The following GRIK4 variants were observed in gnomAD, a reference collection of about 807,000 sequenced individuals.
GRIK4 encodes glutamate ionotropic receptor kainate type subunit 4, also known as glutamate receptor ionotropic, kainate 4.
In GRIK4, 40 loss-of-function variants were observed where a neutral mutation model predicts 104.9. That is an observed-to-expected ratio of 0.38 (90% CI 0.30 to 0.50). The LOEUF is 0.50. Ranked by LOEUF, GRIK4 falls within the 20% of genes least tolerant of loss-of-function variation. The pLI is 0.93. For missense variants in GRIK4, 1,047 were observed against 1,308.1 expected (o/e 0.80, Z 3.08); for synonymous variants, 485 against 524.9 (o/e 0.92, Z 1.04).
At chr11:120,709,343 G>T (rs1342455915) in intron 3 of GRIK4, among the ~76,000 whole-genome samples, 2 of 151,980 alleles carry the variant, frequency 1.3e-5, no homozygotes, top group Non-Finnish European at 2.9e-5. Flanking sequence ...GCCGTGTGTT[G>T]TGTTACATGT....
intron 2 of GRIK4, among the ~76,000 whole-genome samples, chr11:120,656,578 C>T (rs748167602): frequency 1.5e-4 from 23 of 152,224 alleles, no homozygotes; most frequent in South Asian, 6.2e-4. Flanking sequence ...AATGTAGTCT[C>T]GGCTGGGTGC....
At chr11:120,762,997 T>C (rs1425229114) in intron 3 of GRIK4, among the ~76,000 whole-genome samples, 3 of 152,224 alleles carry the variant, frequency 2.0e-5, no homozygotes, top group East Asian at 1.9e-4. Context: ...TTCTATTGTT[T>C]GGAATAATTT....
At chr11:120,546,762 C>T (rs992899761) in intron 1 of GRIK4, among the ~76,000 whole-genome samples, 1 of 152,182 alleles carries the variant, frequency 6.6e-6, no homozygotes, top group African/African-American at 2.4e-5. Context: ...ATGCTCCGCC[C>T]ACCTCCTGAA....
intron 6 of GRIK4, among the ~76,000 whole-genome samples, chr11:120,824,892 C>T (rs971746196): frequency 6.6e-6 from 1 of 151,334 alleles, no homozygotes; most frequent in African/African-American, 2.4e-5. Context: ...TTTTATATTT[C>T]TTTCTGAGTT....
chr11:120,911,619 A>T (rs1479889967), intron 13 of GRIK4, among the ~76,000 whole-genome samples: 22 of 148,770 alleles, frequency 1.5e-4, no homozygotes, highest in African/African-American at 5.1e-4. Flanking sequence ...AGGCGGGTGG[A>T]TCACCTGAGG....
chr11:120,712,130 T>C lies in GRIK4; in HGVS notation c.82+51730T>C, dbSNP rs146631869. 9.3e-4 allele frequency among the ~76,000 whole-genome samples: 142 copies of C among 152,330 alleles called. No individual in the cohort carries two copies. In the East Asian group the frequency reaches 0.02, roughly 22 times the overall value. On this transcript the variant is annotated intron_variant, in intron 3 of 20. Coordinates refer to ENST00000527524, the MANE Select transcript of GRIK4 (RefSeq NM_014619.5). ...AATAGTGACTGTAAAGTAAGGTGAA[T>C]ACTCCACTAGCACACATACAGGGTG...
intron 3 of GRIK4, among the ~76,000 whole-genome samples, chr11:120,744,858 A>G (rs1178636858): frequency 1.3e-5 from 2 of 152,220 alleles, no homozygotes; most frequent in Non-Finnish European, 2.9e-5. Context: ...GAGAACAGCA[A>G]TGAATATATC....
At chr11:120,984,137 T>C (rs1591358860) in intron 20 of GRIK4, among the ~76,000 whole-genome samples, 1 of 152,216 alleles carries the variant, frequency 6.6e-6, no homozygotes, top group African/African-American at 2.4e-5. Context: ...TGGAAGTATA[T>C]TGAAAAATTC....
chr11:120,515,886 G>A (rs944918056), intron 1 of GRIK4, among the ~76,000 whole-genome samples: 10 of 152,152 alleles, frequency 6.6e-5, no homozygotes, highest in African/African-American at 2.2e-4. Flanking sequence ...TGCGTACTCC[G>A]TTTGTTTCGC....
At chr11:120,867,843 A>G (rs1340467440) in intron 9 of GRIK4, 1 of 152,180 alleles carries the variant, frequency 6.6e-6, no homozygotes, top group Non-Finnish European at 1.5e-5. Context: ...CGCCGTTCCC[A>G]TTAATCACGC....
rs932830266 is a variant in GRIK4 at position 120,952,186 on chromosome 11, G to A, written c.1591-669G>A. Among the ~76,000 whole-genome samples, 1 of 152,156 alleles carries A rather than the reference G, an allele frequency of 6.6e-6. No individual in the cohort carries two copies. Among genetic ancestry groups the A allele is most frequent in the African/African-American group, 2.4e-5 (1 of 41,440 alleles). On this transcript the variant is annotated intron_variant, in intron 14 of 20. Transcript: ENST00000527524. The surrounding 1 kb of genome is among the most constrained non-coding windows in gnomAD (Gnocchi z 5.2). The stretch of plus-strand genomic sequence containing the variant: ...CTGGCCTTGCAACGTGTTTTCCCAC[G>A]GTGCAGTGGAGTGAGCCCTGGGCTT...
intron 19 of GRIK4, among the ~76,000 whole-genome samples, chr11:120,979,934 G>A (rs761030178): frequency 6.6e-6 from 1 of 151,922 alleles, no homozygotes; most frequent in East Asian, 1.9e-4. Context: ...TCTTGGGTTC[G>A]AGTGATTCTC....
chr11:120,611,450 G>A lies in GRIK4; in HGVS notation c.-158-42235G>A, dbSNP rs187611890. Among the ~76,000 whole-genome samples the A allele has an allele frequency of 2.3e-4, 35 of 152,332 alleles. No homozygotes were observed. The East Asian group carries it at 6.2e-3, about 27-fold the overall frequency. On this transcript the variant is annotated intron_variant, in intron 1 of 20. Transcript: ENST00000527524. ...CGTGTCTGCATGCATGCACGTGTGTGTGTGAAATACCAAGTACAGTTTCTG... is the reference window on the plus strand; with the variant it reads ...CGTGTCTGCATGCATGCACGTGTGTATGTGAAATACCAAGTACAGTTTCTG...
intron 3 of GRIK4, among the ~76,000 whole-genome samples, chr11:120,760,392 C>T (rs942424069): frequency 3.4e-5 from 5 of 146,540 alleles, no homozygotes; most frequent in Non-Finnish European, 7.5e-5. Flanking sequence ...CATATATATA[C>T]ATATATATAA....
At chr11:120,907,281 GAC>G (rs1385966559) in intron 13 of GRIK4, among the ~76,000 whole-genome samples, 1 of 152,132 alleles carries the variant, frequency 6.6e-6, no homozygotes, top group East Asian at 1.9e-4. Flanking sequence ...GCTGCCTGAT[GAC>G]TGGTAGGGTG....
rs7926208 is a variant in GRIK4 at position 120,923,248 on chromosome 11, C to T, written c.1477-17099C>T. Among the ~76,000 whole-genome samples, 1,036 of 152,130 alleles carry T rather than the reference C, an allele frequency of 6.8e-3. 21 individuals are homozygous for T. Among genetic ancestry groups the T allele is most frequent in the African/African-American group, 0.023 (957 of 41,512 alleles). ...AGGGCTCAGCCTTAGAAAAACTTAC[C>T]AGGTGGGATGTTGCGGCCCAAAGCA... On this transcript the variant is annotated intron_variant, in intron 13 of 20. Coordinates refer to ENST00000527524, the MANE Select transcript of GRIK4 (RefSeq NM_014619.5).
chr11:120,633,984 C>T (rs778648996), intron 1 of GRIK4, among the ~76,000 whole-genome samples: 11 of 152,202 alleles, frequency 7.2e-5, no homozygotes, highest in Non-Finnish European at 1.3e-4. Flanking sequence ...ATTAGTAGGA[C>T]AGAACTTGGA....
intron 1 of GRIK4, among the ~76,000 whole-genome samples, chr11:120,546,219 T>C (rs1290034411): frequency 1.3e-5 from 2 of 152,174 alleles, no homozygotes; most frequent in Non-Finnish European, 1.5e-5. Context: ...GCAGCGTTGG[T>C]GCTGCTGTTC....
At position 120,767,982 on chromosome 11, in the gene GRIK4, A is replaced by T. The variant is rs1951869152; in HGVS notation, c.83-34711A>T. 4.0e-5 allele frequency among the ~76,000 whole-genome samples: 6 copies of T among 149,812 alleles called. No homozygotes were observed. In the South Asian group the frequency reaches 1.3e-3, roughly 31 times the overall value. On this transcript the variant is annotated intron_variant, in intron 3 of 20. Transcript: ENST00000527524. The stretch of plus-strand genomic sequence containing the variant: ...ATATAATCTTAAGTCAGGAAGTGTG[A>T]TGCTTCCAACTTTCTTTTTCTTTCT...
Sources: allele counts gnomAD v4.1 joint callset (sites outside exome capture counted in the v4.1 genomes callset), GRCh38; gene constraint gnomAD v4.1.1; non-coding constraint Gnocchi (gnomAD v3.1); transcripts MANE v1.5; gene names NCBI Gene and HGNC (gene_info 2026-07-23, HGNC 2026-07-21).